Variants in SYT12 observed in about 807,000 individuals in gnomAD.
SYT12 encodes the protein synaptotagmin 12, also known as synaptotagmin-12.
SYT12 carries 27 observed loss-of-function variants against 39.5 expected under a neutral mutation model. The observed-to-expected ratio is 0.68, with a 90% CI of 0.50 to 0.94. The LOEUF (loss-of-function observed/expected upper bound fraction) is 0.94. Among genes scored for constraint, SYT12 ranks in the 40% least tolerant of loss-of-function variants. The pLI is 0.00. For missense variants in SYT12, 536 were observed against 572.6 expected, an observed-to-expected ratio of 0.94 and a Z score of 0.65; for synonymous variants, 233 against 239.7, an observed-to-expected ratio of 0.97 and a Z score of 0.26.
At chr11:67,018,453 A>G (rs1307280561), upstream of SYT12, among the ~76,000 whole-genome samples, 1 of 152,108 alleles carries the variant, frequency 6.6e-6, no homozygotes, top group African/African-American at 2.4e-5. Flanking sequence ...TGAGCCCTGT[A>G]ATTCAAGTCT....
At chr11:67,009,417 A>G (rs1351386326) in intron 1 of SYT12, among the ~76,000 whole-genome samples, 1 of 151,944 alleles carries the variant, frequency 6.6e-6, no homozygotes, top group Admixed American at 6.6e-5. Flanking sequence ...TCAGCCTCCC[A>G]AGTAGCTAGG....
At chr11:67,019,916 G>A (rs1049250941), upstream of SYT12, among the ~76,000 whole-genome samples, 1 of 148,630 alleles carries the variant, frequency 6.7e-6, no homozygotes, top group Admixed American at 6.7e-5. Flanking sequence ...AAAAAAAAGT[G>A]GCGAGCCGCT....
At chr11:67,030,746 C>T (rs1247680331) in intron 2 of SYT12, 1 of 152,426 alleles carries the variant, frequency 6.6e-6, no homozygotes, top group African/African-American at 2.4e-5. Context: ...CCCTTTGCCT[C>T]AGCAGGGAGA....
At chr11:67,040,702 G>A (rs1244833905) in intron 4 of SYT12, among the ~76,000 whole-genome samples, 1 of 151,976 alleles carries the variant, frequency 6.6e-6, no homozygotes, top group Non-Finnish European at 1.5e-5. Flanking sequence ...GCCGGGCGTG[G>A]TGGCGGGCAC....
chr11:67,039,964 C>T lies in SYT12; in HGVS notation c.382C>T (p.Leu128Phe). 6.2e-7 allele frequency: 1 copy of T among 1,613,794 alleles called. No individual in the cohort carries two copies. Among genetic ancestry groups the T allele is most frequent in the Non-Finnish European group, 8.5e-7 (1 of 1,180,044 alleles). Residue 128 changes from leucine to phenylalanine, a missense_variant, in exon 4 of 8, where the codon CTC (leucine) becomes TTC (phenylalanine). Leu to Phe is a conservative substitution (Grantham distance 22). Coordinates refer to ENST00000527043, the MANE Select transcript of SYT12 (RefSeq NM_177963.4). ...GTTGGACCTGGCCCCCTATGGGACCCTCCGGAAGTCCCAGTCGGCCGACTC... is the reference window on the plus strand; with the variant it reads ...GTTGGACCTGGCCCCCTATGGGACCTTCCGGAAGTCCCAGTCGGCCGACTC... ...RELDLAPYGT[L>F]RKSQSADSLN...
intron 3 of SYT12, among the ~76,000 whole-genome samples, chr11:67,036,388 T>C (rs1376955663): frequency 2.0e-5 from 3 of 152,230 alleles, no homozygotes; most frequent in African/African-American, 7.2e-5. Flanking sequence ...TTTGTCTTCA[T>C]TTGGGATAGT....
chr11:67,017,602 T>A (rs1181438706), intron 3 of SYT12, among the ~76,000 whole-genome samples: 1 of 147,590 alleles, frequency 6.8e-6, no homozygotes, highest in Non-Finnish European at 1.5e-5. Context: ...CCTTGTGATC[T>A]GCCTGCCTCA....
intron 4 of SYT12, 77 bp downstream of exon 4, chr11:67,040,280 C>T (rs901262653): frequency 4.6e-6 from 7 of 1,508,746 alleles, no homozygotes; most frequent in Non-Finnish European, 6.2e-6. Context: ...GGCGGTGGGG[C>T]CCGGCAGGAT....
chr11:67,014,864 C>T (rs896329639), intron 3 of SYT12, among the ~76,000 whole-genome samples: 8 of 152,008 alleles, frequency 5.3e-5, no homozygotes, highest in South Asian at 2.1e-4. Flanking sequence ...CCACTCTCGA[C>T]GCTCCCTGGA....
At position 67,043,830 on chromosome 11, in the gene SYT12, C is replaced by A. The variant is rs1012373794; in HGVS notation, c.814C>A (p.Leu272Ile). ...CCCGCTGCAGCCCTTCAGTGGCTGGCTCTATTTACAGGACCAGAACAAGGT... is the reference window on the plus strand; with the variant it reads ...CCCGCTGCAGCCCTTCAGTGGCTGGATCTATTTACAGGACCAGAACAAGGT... The part of the protein sequence containing the change: ...DLPLQPFSGW[L>I]YLQDQNKAAD... The change falls in exon 5 of 8, where the codon CTC becomes ATC. Residue 272 changes from leucine to isoleucine, a missense_variant. By Grantham distance (5) the Leu-to-Ile change is conservative (BLOSUM62 2). Coordinates refer to ENST00000527043, the MANE Select transcript of SYT12 (RefSeq NM_177963.4). 1 of 1,614,052 alleles carries A rather than the reference C, an allele frequency of 6.2e-7. No individual in the cohort carries two copies. Among genetic ancestry groups the A allele is most frequent in the Non-Finnish European group, 8.5e-7 (1 of 1,180,030 alleles).
Position 67,045,758 on chromosome 11 carries a change from G to T in SYT12, c.973G>T (p.Val325Leu). Residue 325 changes from valine to leucine, a missense_variant, in exon 7 of 8, where the codon GTG (valine) becomes TTG (leucine). Physicochemically the swap from Val to Leu is conservative, Grantham distance 32 (BLOSUM62 1). Coordinates refer to ENST00000527043, the MANE Select transcript of SYT12 (RefSeq NM_177963.4). ...CCTGCCCACAGACCCCTTCGTCAAGGTGTACCTGCTGCAGGATGGGAGGAA... is the reference window on the plus strand; with the variant it reads ...CCTGCCCACAGACCCCTTCGTCAAGTTGTACCTGCTGCAGGATGGGAGGAA... ...DKTTADPFVK[V>L]YLLQDGRKMS... 1 of 1,613,940 alleles carries T rather than the reference G, an allele frequency of 6.2e-7. No homozygotes were observed. The highest frequency in any genetic ancestry group is 8.5e-7 in the Non-Finnish European group (1 of 1,179,964).
At chr11:67,039,636 A>AGTGAC (rs1950459758) in intron 3 of SYT12, among the ~76,000 whole-genome samples, 175 bp from the exon 4 acceptor site, 2 of 152,182 alleles carry the variant, frequency 1.3e-5, no homozygotes, top group South Asian at 4.2e-4. Context: ...TAAATAAATA[A>AGTGAC]GTGACATGAA....
In SYT12 at chr11:67,050,671, C is replaced by G. The variant is rs992308280; in HGVS notation, c.*1914C>G. On this transcript the variant is annotated 3_prime_UTR_variant, in exon 8 of 8. Coordinates refer to ENST00000527043, the MANE Select transcript of SYT12 (RefSeq NM_177963.4). ...GGCTGTGCGGTGCAGGCCACTGACT[C>G]CCCCCCTGCCCTCTCCCCTCTCTCC... The G allele has an allele frequency of 6.6e-6, 1 of 152,382 alleles. No homozygotes were observed. The allele number at this position is 152,382 out of a possible 1,614,324, so 9.4% of individuals were successfully genotyped here. A position where few individuals can be genotyped will look rare whatever the true frequency, so the allele number is the denominator to read the frequency against.
At position 67,039,854 on chromosome 11, in the gene SYT12, C is replaced by G; in HGVS notation, c.272C>G (p.Pro91Arg). ...WNAQRASTRGPPSRKGSLSIE... is the reference protein window; with the variant it reads ...WNAQRASTRGRPSRKGSLSIE... ...GCCCAGCGGGCCAGCACGCGGGGAC[C>G]ACCCAGCCGCAAAGGCAGTCTCAGC... Residue 91 changes from proline (P) to arginine (R), a missense_variant, in exon 4 of 8, where the codon CCA becomes CGA. Transcript: ENST00000527043. 6.2e-7 allele frequency: 1 copy of G among 1,613,002 alleles called. No individual in the cohort carries two copies. The highest frequency in any genetic ancestry group is 1.1e-5 in the South Asian group (1 of 91,086).
intron 3 of SYT12, among the ~76,000 whole-genome samples, chr11:67,014,900 G>A (rs7948985): frequency 0.026 from 3,877 of 151,980 alleles, 167 homozygotes; most frequent in African/African-American, 0.087. Context: ...GGCTGCCTTG[G>A]GTATATGCAG....
intron 1 of SYT12, among the ~76,000 whole-genome samples, chr11:67,008,032 C>T (rs1266659698): frequency 6.6e-6 from 1 of 150,894 alleles, no homozygotes; most frequent in Non-Finnish European, 1.5e-5. Context: ...CGGCTCAGTG[C>T]AACCTCCGCC....
At chr11:67,035,838 CT>C (rs201768132) in intron 3 of SYT12, among the ~76,000 whole-genome samples, 6,596 of 89,098 alleles carry the variant, frequency 0.074, 169 homozygotes, top group East Asian at 0.11. Context: ...TCCTTCCTTC[CT>C]TTCTTTCTTT....
At chr11:67,008,910 C>A (rs373280883) in intron 1 of SYT12, among the ~76,000 whole-genome samples, 1 of 152,092 alleles carries the variant, frequency 6.6e-6, no homozygotes, top group Non-Finnish European at 1.5e-5. Context: ...ATAAAGGAAC[C>A]TTGGTGATAG....
chr11:67,020,284 G>A (rs1010772003), upstream of SYT12, among the ~76,000 whole-genome samples: 8 of 152,258 alleles, frequency 5.3e-5, no homozygotes, highest in East Asian at 1.9e-4. Flanking sequence ...CTTGTCAGGC[G>A]TCAGGAAGGC....
Sources: allele counts gnomAD v4.1 joint callset (sites outside exome capture counted in the v4.1 genomes callset), GRCh38; gene constraint gnomAD v4.1.1; transcripts MANE v1.5; gene names NCBI Gene and HGNC (gene_info 2026-07-23, HGNC 2026-07-21).